The following PTF1A variants were observed in gnomAD, a reference collection of about 807,000 sequenced individuals.
PTF1A encodes pancreas associated transcription factor 1a.
In PTF1A, 18 loss-of-function variants were observed where a neutral mutation model predicts 22.6. The ratio of observed to expected loss-of-function variants is 0.80; its 90% CI spans 0.55 to 1.18. The LOEUF is 1.18. Ranked by LOEUF, PTF1A falls within the 50% of genes most tolerant of loss-of-function variation. The probability of loss-of-function intolerance (pLI) is 0.00; values close to 1 mark genes in which losing one functional copy is unlikely to be tolerated. For missense variants in PTF1A, 477 were observed against 473.0 expected, an observed-to-expected ratio of 1.01 and a Z score of -0.08; for synonymous variants, 259 against 227.9, an observed-to-expected ratio of 1.14 and a Z score of -1.23.
Position 23,193,125 on chromosome 10 carries a change from C to T in PTF1A, c.595C>T (p.Leu199Phe). ...CCCCACGCTGCCCTACGAGAAGCGC[C>T]TCTCCAAGGTGGACACGCTGCGCCT... ...HIPTLPYEKRLSKVDTLRLAI... is the reference protein window; with the variant it reads ...HIPTLPYEKRFSKVDTLRLAI... The change falls in exon 1 of 2, where the codon CTC (leucine) becomes TTC (phenylalanine). Residue 199 changes from leucine (L) to phenylalanine (F), a missense_variant. Coordinates refer to ENST00000376504, the MANE Select transcript of PTF1A (RefSeq NM_178161.3). 6.9e-7 allele frequency: 1 copy of T among 1,446,600 alleles called. No homozygotes were observed. The highest frequency in any genetic ancestry group is 1.3e-5 in the South Asian group (1 of 77,864). 89.6% of individuals were successfully genotyped at this position (1,446,600 alleles called of 1,614,324 possible).
At position 23,192,313 on chromosome 10, in the gene PTF1A, C is replaced by T. The variant is rs1226434227; in HGVS notation, c.-218C>T. ...ATCCTCGCGTGCCGGCCCTCAGCTCCAGGAAGTCCGCCACAGCCCTCCCCA... is the reference window on the plus strand; with the variant it reads ...ATCCTCGCGTGCCGGCCCTCAGCTCTAGGAAGTCCGCCACAGCCCTCCCCA... On this transcript the variant is annotated 5_prime_UTR_variant, in exon 1 of 2. Coordinates refer to ENST00000376504, the MANE Select transcript of PTF1A (RefSeq NM_178161.3). The T allele has an allele frequency of 4.7e-6, 2 of 425,364 alleles. No individual in the cohort carries two copies. Among genetic ancestry groups the T allele is most frequent in the African/African-American group, 2.1e-5 (1 of 47,636 alleles). The allele number at this position is 425,364 out of a possible 1,614,324, so 26.3% of individuals were successfully genotyped here. A position where few individuals can be genotyped will look rare whatever the true frequency, so the allele number is the denominator to read the frequency against.
chr10:23,194,038 A>G lies in PTF1A; in HGVS notation c.*132A>G. ...TCAACTGTTTATTATTTATCTATTTATTATCCTGTTGAGTTGATGAAATAG... is the reference window on the plus strand; with the variant it reads ...TCAACTGTTTATTATTTATCTATTTGTTATCCTGTTGAGTTGATGAAATAG... On this transcript the variant is annotated 3_prime_UTR_variant, in exon 2 of 2. Transcript: ENST00000376504. 1.4e-6 allele frequency: 1 copy of G among 720,840 alleles called. No individual in the cohort carries two copies. 44.7% of individuals were successfully genotyped at this position (720,840 alleles called of 1,614,324 possible).
chr10:23,192,545 G>A lies in PTF1A; in HGVS notation c.15G>A (p.Leu5=). ...CGGCGGCGAGCATGGACGCGGTGTT[G>A]CTGGAGCACTTCCCCGGGGGCCTAG... MDAV[L]LEHFPGGLDA... The change falls in exon 1 of 2, where the codon TTG becomes TTA. Residue 5 remains leucine, a synonymous_variant. Coordinates refer to ENST00000376504, the MANE Select transcript of PTF1A (RefSeq NM_178161.3). 1 of 1,592,052 alleles carries A rather than the reference G, an allele frequency of 6.3e-7. No individual in the cohort carries two copies. Among genetic ancestry groups the A allele is most frequent in the South Asian group, 1.1e-5 (1 of 89,462 alleles).
Position 23,192,890 on chromosome 10 carries a change from G to C in PTF1A, c.360G>C (p.Ser120=), listed in dbSNP as rs1244675905. The change falls in exon 1 of 2, where the codon TCG becomes TCC. Residue 120 remains serine, a synonymous_variant. Transcript: ENST00000376504. ...CCTACTCGCCCGGCTCGCCGCCCTC[G>C]TGCCTGGCCTACCCGTGCGCCGGGG... is the stretch of plus-strand genomic sequence containing the variant. ...GFPYSPGSPP[S]CLAYPCAGAA... 5 of 1,305,532 alleles carry C rather than the reference G, an allele frequency of 3.8e-6. No homozygotes were observed. In the African/African-American group the frequency reaches 6.1e-5, roughly 16 times the overall value. The allele number at this position is 1,305,532 out of a possible 1,614,324, so 80.9% of individuals were successfully genotyped here.
In PTF1A at chr10:23,192,725, G is replaced by T; in HGVS notation, c.195G>T (p.Gly65=). The T allele has an allele frequency of 1.3e-6, 2 of 1,529,434 alleles. No homozygotes were observed. Among genetic ancestry groups the T allele is most frequent in the Non-Finnish European group, 8.7e-7 (1 of 1,143,188 alleles). The allele number at this position is 1,529,434 out of a possible 1,614,324, so 94.7% of individuals were successfully genotyped here. A position where few individuals can be genotyped will look rare whatever the true frequency, so the allele number is the denominator to read the frequency against. ...TCCACGAGTACTGCTACCGCGACGG[G>T]GCGTGCCTGCTGCTGCAGCCCGCGC... is the stretch of plus-strand genomic sequence containing the variant. ...HQLHEYCYRD[G]ACLLLQPAPP... Residue 65 remains glycine, a synonymous_variant, in exon 1 of 2, where the codon GGG becomes GGT. Transcript: ENST00000376504.
rs1386085704 is a variant in PTF1A, at chr10:23,193,153, C to T, written c.623C>T (p.Ala208Val). Residue 208 changes from alanine (A) to valine (V), a missense_variant, in exon 1 of 2, where the codon GCC (alanine) becomes GTC (valine). Ala to Val is a moderately conservative substitution (Grantham distance 64). Coordinates refer to ENST00000376504, the MANE Select transcript of PTF1A (RefSeq NM_178161.3). ...TCCAAGGTGGACACGCTGCGCCTGG[C>T]CATCGGCTACATCAACTTCCTCAGC... The part of the protein sequence containing the change: ...RLSKVDTLRL[A>V]IGYINFLSEL... 1 of 1,421,082 alleles carries T rather than the reference C, an allele frequency of 7.0e-7. No homozygotes were observed. The highest frequency in any genetic ancestry group is 3.2e-5 in the East Asian group (1 of 31,034). 88.0% of individuals were successfully genotyped at this position (1,421,082 alleles called of 1,614,324 possible). A position where few individuals can be genotyped will look rare whatever the true frequency, so the allele number is the denominator to read the frequency against.
intron 1 of PTF1A, 117 bp downstream of exon 1, chr10:23,193,431 C>A: frequency 2.0e-6 from 2 of 1,014,516 alleles, no homozygotes; most frequent in African/African-American, 1.7e-5. Context: ...TCGGTGGGCA[C>A]GGAAAAACTT....
Position 23,192,813 on chromosome 10 carries a change from G to C in PTF1A, c.283G>C (p.Gly95Arg), listed in dbSNP as rs962887931. 5.4e-6 allele frequency: 7 copies of C among 1,289,342 alleles called. No individual in the cohort carries two copies. The highest frequency in any genetic ancestry group is 8.2e-5 in the Admixed American group (2 of 24,490). The allele number at this position is 1,289,342 out of a possible 1,614,324, so 79.9% of individuals were successfully genotyped here. A position where few individuals can be genotyped will look rare whatever the true frequency, so the allele number is the denominator to read the frequency against. The part of the protein sequence containing the change: ...SSGGLGEPDD[G>R]GGGGYCCETG... ...GGGGGGCCTCGGTGAGCCAGACGAC[G>C]GCGGCGGCGGCGGCTACTGCTGCGA... The change falls in exon 1 of 2, where the codon GGC becomes CGC. Residue 95 changes from glycine (G) to arginine (R), a missense_variant. Coordinates refer to ENST00000376504, the MANE Select transcript of PTF1A (RefSeq NM_178161.3).
At chr10:23,193,637 G>A in intron 1 of PTF1A, 67 bp from the exon 2 acceptor site, 1 of 1,158,448 alleles carries the variant, frequency 8.6e-7, no homozygotes. Context: ...GGTCCTAAAG[G>A]ACCTGATGGG....
chr10:23,192,713 C>T lies in PTF1A; in HGVS notation c.183C>T (p.Cys61=), dbSNP rs768039206. ...EFLSHQLHEY[C]YRDGACLLLQ... is the part of the protein sequence containing the mutation. ...TTAGCCACCAGCTCCACGAGTACTG[C>T]TACCGCGACGGGGCGTGCCTGCTGC... Residue 61 remains cysteine, a synonymous_variant, in exon 1 of 2, where the codon TGC becomes TGT. Coordinates refer to ENST00000376504, the MANE Select transcript of PTF1A (RefSeq NM_178161.3). The T allele has an allele frequency of 1.3e-6, 2 of 1,560,006 alleles. No homozygotes were observed. Among genetic ancestry groups the T allele is most frequent in the Non-Finnish European group, 1.7e-6 (2 of 1,158,226 alleles).
rs534448485 is a variant in PTF1A, at chr10:23,193,124, C to T, written c.594C>T (p.Arg198=). Residue 198 remains arginine, a synonymous_variant, in exon 1 of 2, where the codon CGC becomes CGT. Coordinates refer to ENST00000376504, the MANE Select transcript of PTF1A (RefSeq NM_178161.3). ...SHIPTLPYEK[R]LSKVDTLRLA... Reference sequence around the variant, plus strand: ...TCCCCACGCTGCCCTACGAGAAGCGCCTCTCCAAGGTGGACACGCTGCGCC... The same window carrying T: ...TCCCCACGCTGCCCTACGAGAAGCGTCTCTCCAAGGTGGACACGCTGCGCC... The T allele has an allele frequency of 2.8e-5, 40 of 1,446,882 alleles. No homozygotes were observed. The South Asian group carries it at 4.2e-4, about 15-fold the overall frequency. 89.6% of individuals were successfully genotyped at this position (1,446,882 alleles called of 1,614,324 possible). A position where few individuals can be genotyped will look rare whatever the true frequency, so the allele number is the denominator to read the frequency against.
Position 23,192,525 on chromosome 10 carries a change from G to C in PTF1A, c.-6G>C, listed in dbSNP as rs200997535. 9 of 1,589,566 alleles carry C rather than the reference G, an allele frequency of 5.7e-6. No individual in the cohort carries two copies. In the Admixed American group the frequency reaches 1.5e-4, roughly 27 times the overall value. ...GGCAGTCCCGCTGCCCACTGCGGCG[G>C]CGAGCATGGACGCGGTGTTGCTGGA... On this transcript the variant is annotated 5_prime_UTR_variant, in exon 1 of 2. Transcript: ENST00000376504.
intron 1 of PTF1A, 51 bp from the exon 2 acceptor site, chr10:23,193,653 T>G (rs755915116): frequency 7.7e-7 from 1 of 1,295,438 alleles, no homozygotes; most frequent in Non-Finnish European, 1.1e-6. Flanking sequence ...ATGGGACCAA[T>G]GGGAATGTGG....
At position 23,192,386 on chromosome 10, in the gene PTF1A, G is replaced by C. The variant is rs1588562489; in HGVS notation, c.-145G>C. On this transcript the variant is annotated 5_prime_UTR_variant, in exon 1 of 2. Coordinates refer to ENST00000376504, the MANE Select transcript of PTF1A (RefSeq NM_178161.3). ...AGCGCAGCGGCCGCGGGCACTCCAG[G>C]GAGGCCCGGGGGCGGGCAGCCCGGC... The C allele has an allele frequency of 8.8e-7, 1 of 1,134,464 alleles. No homozygotes were observed. Among genetic ancestry groups the C allele is most frequent in the East Asian group, 3.1e-5 (1 of 32,176 alleles). The allele number at this position is 1,134,464 out of a possible 1,614,324, so 70.3% of individuals were successfully genotyped here.
intron 1 of PTF1A, 58 bp downstream of exon 1, chr10:23,193,372 A>AG: frequency 7.1e-7 from 1 of 1,401,806 alleles, no homozygotes; most frequent in Non-Finnish European, 9.2e-7. Flanking sequence ...AAGGCTCCGG[A>AG]GGGGCTGGGG....
Position 23,192,344 on chromosome 10 carries a change from G to C in PTF1A, c.-187G>C. On this transcript the variant is annotated 5_prime_UTR_variant, in exon 1 of 2. Transcript: ENST00000376504. ...GTCCGCCACAGCCCTCCCCAGCGCA[G>C]CGCGAGCGCGGGCCAGAGCGCAGCG... 1 of 555,034 alleles carries C rather than the reference G, an allele frequency of 1.8e-6. No individual in the cohort carries two copies. The highest frequency in any genetic ancestry group is 4.0e-5 in the South Asian group (1 of 24,852). 34.4% of individuals were successfully genotyped at this position (555,034 alleles called of 1,614,324 possible).
At chr10:23,193,480 T>TTA in intron 1 of PTF1A, 166 bp downstream of exon 1, 2 of 771,208 alleles carry the variant, frequency 2.6e-6, no homozygotes, top group Admixed American at 3.2e-5. Flanking sequence ...TTTTTTTTTT[T>TTA]ATTTTTCTGC....
At position 23,192,555 on chromosome 10, in the gene PTF1A, T is replaced by C. The variant is rs748809481; in HGVS notation, c.25T>C (p.Phe9Leu). The C allele has an allele frequency of 9.4e-6, 15 of 1,593,142 alleles. No individual in the cohort carries two copies. The highest frequency in any genetic ancestry group is 1.7e-5 in the Admixed American group (1 of 58,444). Residue 9 changes from phenylalanine (F) to leucine (L), a missense_variant, in exon 1 of 2, where the codon TTC (phenylalanine) becomes CTC (leucine). By Grantham distance (22) the Phe-to-Leu change is conservative. Transcript: ENST00000376504. MDAVLLEH[F>L]PGGLDAFPSS... ...CATGGACGCGGTGTTGCTGGAGCAC[T>C]TCCCCGGGGGCCTAGACGCCTTTCC...
rs980541407 is a variant in PTF1A, at chr10:23,194,223, C to G, written c.*317C>G. Reference sequence around the variant, plus strand: ...GATATGGTTTATTTCTAAGCGTTGTCAATAAATGCTATTTACACCTTTTCC... The same window carrying G: ...GATATGGTTTATTTCTAAGCGTTGTGAATAAATGCTATTTACACCTTTTCC... On this transcript the variant is annotated 3_prime_UTR_variant, in exon 2 of 2. Coordinates refer to ENST00000376504, the MANE Select transcript of PTF1A (RefSeq NM_178161.3). 3.0e-5 allele frequency: 8 copies of G among 268,592 alleles called. No individual in the cohort carries two copies. The highest frequency in any genetic ancestry group is 4.9e-5 in the Non-Finnish European group (7 of 142,138). The allele number at this position is 268,592 out of a possible 1,614,324, so 16.6% of individuals were successfully genotyped here.
Sources: gnomAD v4.1 joint callset for allele counts on GRCh38, gnomAD v4.1.1 for gene constraint, MANE v1.5 for transcripts, NCBI Gene and HGNC (gene_info 2026-07-23, HGNC 2026-07-21) for gene names.